Variants in TCF7L1 observed in about 807,000 individuals in gnomAD.
TCF7L1 encodes transcription factor 7-like 1.
Under a neutral mutation model 63.7 loss-of-function variants are expected in TCF7L1, and 18 were observed. The observed-to-expected ratio is 0.28, with a 90% CI of 0.20 to 0.42. TCF7L1 has a LOEUF of 0.42. TCF7L1 is among the 10% of genes least tolerant of loss of function. TCF7L1 has a pLI of 1.00. For missense variants in TCF7L1, 654 were observed against 779.3 expected, an observed-to-expected ratio of 0.84 and a Z score of 1.91; for synonymous variants, 355 against 340.9, an observed-to-expected ratio of 1.04 and a Z score of -0.46.
chr2:85,240,042 A>T (rs1415295956), intron 3 of TCF7L1, among the ~76,000 whole-genome samples: 1 of 152,172 alleles, frequency 6.6e-6, no homozygotes, highest in Non-Finnish European at 1.5e-5. Context: ...CATCAACAGT[A>T]TTAGCATTTC....
At chr2:85,211,279 A>C (rs753779980) in intron 3 of TCF7L1, among the ~76,000 whole-genome samples, 4 of 152,250 alleles carry the variant, frequency 2.6e-5, no homozygotes, top group Non-Finnish European at 4.4e-5. Flanking sequence ...AACAATATGT[A>C]CATCAGTTCT....
rs1193840564 is a variant in TCF7L1, at chr2:85,306,076, G to A, written c.990-130G>A. ...CTCAGGTGTTGAGTGCAGCCATGGG[G>A]CCACTTGAATTAGCATCCAGGCAGC... On this transcript the variant is annotated intron_variant, in intron 8 of 11. Transcript: ENST00000282111. The surrounding 1 kb of genome is among the most constrained non-coding windows in gnomAD (Gnocchi z 4.3). 6 of 1,054,572 alleles carry A rather than the reference G, an allele frequency of 5.7e-6. No homozygotes were observed. Among genetic ancestry groups the A allele is most frequent in the African/African-American group, 3.2e-5 (2 of 63,136 alleles). The allele number at this position is 1,054,572 out of a possible 1,614,324, so 65.3% of individuals were successfully genotyped here. A position where few individuals can be genotyped will look rare whatever the true frequency, so the allele number is the denominator to read the frequency against.
chr2:85,204,514 G>A (rs1323543008), intron 3 of TCF7L1, among the ~76,000 whole-genome samples: 1 of 152,082 alleles, frequency 6.6e-6, no homozygotes, highest in Non-Finnish European at 1.5e-5. Flanking sequence ...GCTAGTAGTA[G>A]ATTTACTGGG....
chr2:85,237,748 G>A (rs1193062153), intron 3 of TCF7L1, among the ~76,000 whole-genome samples: 3 of 148,592 alleles, frequency 2.0e-5, no homozygotes, highest in Admixed American at 2.0e-4. Context: ...AGGATAATGG[G>A]GGAGGGAGGA....
At chr2:85,299,858 C>CAA (rs1301536256) in intron 4 of TCF7L1, among the ~76,000 whole-genome samples, 1 of 140,892 alleles carries the variant, frequency 7.1e-6, no homozygotes, top group East Asian at 2.0e-4. Flanking sequence ...GACCTTGTCT[C>CAA]AAACACACAC....
At chr2:85,182,151 C>T (rs181034119) in intron 3 of TCF7L1, among the ~76,000 whole-genome samples, 58 of 152,184 alleles carry the variant, frequency 3.8e-4, no homozygotes, top group Middle Eastern at 3.4e-3. Flanking sequence ...CAGGGAGAGA[C>T]GAGGCCCTCA....
At chr2:85,292,602 G>T (rs1171678935) in intron 4 of TCF7L1, among the ~76,000 whole-genome samples, 1 of 151,890 alleles carries the variant, frequency 6.6e-6, no homozygotes, top group Non-Finnish European at 1.5e-5. Context: ...TTTAAGACAG[G>T]GTCTTGCTCT....
At chr2:85,155,036 C>A (rs568920336) in intron 3 of TCF7L1, among the ~76,000 whole-genome samples, 17 of 152,230 alleles carry the variant, frequency 1.1e-4, no homozygotes, top group Non-Finnish European at 2.4e-4. Flanking sequence ...AGGCTAGTCT[C>A]AAACTCCTGA....
intron 3 of TCF7L1, chr2:85,262,184 T>C (rs1427743208): frequency 7.3e-6 from 4 of 547,886 alleles, no homozygotes; most frequent in Non-Finnish European, 1.1e-5. Flanking sequence ...TGATACAGCC[T>C]TCTGTCCGCA....
chr2:85,143,077 G>A (rs968855330), intron 3 of TCF7L1, among the ~76,000 whole-genome samples: 1 of 152,188 alleles, frequency 6.6e-6, no homozygotes, highest in Admixed American at 6.5e-5. Flanking sequence ...TTGTGGATAT[G>A]GTCAAAGGCA....
intron 3 of TCF7L1, among the ~76,000 whole-genome samples, chr2:85,262,429 T>G (rs1680880441): frequency 6.6e-6 from 1 of 151,752 alleles, no homozygotes; most frequent in South Asian, 2.1e-4. Flanking sequence ...GATGTAGGCT[T>G]AGGGCTTCCT....
chr2:85,306,624 G>C lies in TCF7L1; in HGVS notation c.1257+65G>C. ...GAACAGCCTCTGCAAGAGGAGGAAG[G>C]GTGAAGGAAAGCAACTGCATTTATT... is the stretch of plus-strand genomic sequence containing the variant. On this transcript the variant is annotated intron_variant, in intron 10 of 11. Transcript: ENST00000282111. This position sits in a 1 kb window ranked among gnomAD's most constrained non-coding sequence, Gnocchi z 4.3. The C allele has an allele frequency of 1.5e-6, 2 of 1,313,570 alleles. No individual in the cohort carries two copies. Among genetic ancestry groups the C allele is most frequent in the Non-Finnish European group, 2.1e-6 (2 of 932,552 alleles). 81.4% of individuals were successfully genotyped at this position (1,313,570 alleles called of 1,614,324 possible). A position where few individuals can be genotyped will look rare whatever the true frequency, so the allele number is the denominator to read the frequency against.
chr2:85,256,812 A>G (rs186290055), intron 3 of TCF7L1, among the ~76,000 whole-genome samples: 382 of 152,120 alleles, frequency 2.5e-3, no homozygotes, highest in African/African-American at 8.4e-3. Context: ...TGGCGAAACC[A>G]TCTCTAATAA....
chr2:85,289,824 A>G (rs1355325723), intron 4 of TCF7L1, among the ~76,000 whole-genome samples: 1 of 151,634 alleles, frequency 6.6e-6, no homozygotes, highest in Non-Finnish European at 1.5e-5. Context: ...GGTATTCACC[A>G]CCACGCCCAG....
chr2:85,249,328 T>C (rs1365211599), intron 3 of TCF7L1, among the ~76,000 whole-genome samples: 1 of 152,208 alleles, frequency 6.6e-6, no homozygotes, highest in Non-Finnish European at 1.5e-5. Context: ...GCAGTTACCC[T>C]TGCATGGGTG....
intron 3 of TCF7L1, among the ~76,000 whole-genome samples, chr2:85,282,840 G>GTA (rs1021958103): frequency 6.9e-6 from 1 of 144,956 alleles, no homozygotes; most frequent in African/African-American, 2.5e-5. Context: ...GTGTGTGTGT[G>GTA]TGTTGGGGAA....
chr2:85,201,590 TG>T (rs1344150530), intron 3 of TCF7L1, among the ~76,000 whole-genome samples: 1 of 152,236 alleles, frequency 6.6e-6, no homozygotes, highest in African/African-American at 2.4e-5. Flanking sequence ...AGTTCAAACC[TG>T]TTTTGTTCAA....
At chr2:85,191,131 A>G (rs1679032392) in intron 3 of TCF7L1, among the ~76,000 whole-genome samples, 2 of 151,746 alleles carry the variant, frequency 1.3e-5, no homozygotes, top group Admixed American at 1.3e-4. Context: ...ATATAGAAAC[A>G]CTTGCCAAGC....
chr2:85,185,653 T>C (rs11126982), intron 3 of TCF7L1, among the ~76,000 whole-genome samples: 14,050 of 151,998 alleles, frequency 0.092, 1,125 homozygotes, highest in African/African-American at 0.22. Flanking sequence ...GGAGGCTGCA[T>C]TGGAGAGAGA....
Sources: allele counts gnomAD v4.1 joint callset (sites outside exome capture counted in the v4.1 genomes callset), GRCh38; gene constraint gnomAD v4.1.1; non-coding constraint Gnocchi (gnomAD v3.1); transcripts MANE v1.5; gene names NCBI Gene and HGNC (gene_info 2026-07-23, HGNC 2026-07-21).